The following TCP11 variants were observed in gnomAD, a reference collection of about 807,000 sequenced individuals.
TCP11 encodes t-complex 11, also known as T-complex protein 11 homolog.
In TCP11, 34 loss-of-function variants were observed where a neutral mutation model predicts 45.0. The ratio of observed to expected loss-of-function variants is 0.76; its 90% confidence interval spans 0.57 to 1.01. The LOEUF (loss-of-function observed/expected upper bound fraction) is 1.01. TCP11 is among the 50% of genes least tolerant of loss of function. The pLI, the probability that TCP11 is intolerant of heterozygous loss-of-function variation, is 0.00. For synonymous variants in TCP11, 227 were observed against 227.0 expected, an observed-to-expected ratio of 1.00 and a Z score of 0.00; for missense variants, 523 against 598.1, an observed-to-expected ratio of 0.87 and a Z score of 1.31.
intron 3 of TCP11, among the ~76,000 whole-genome samples, chr6:35,134,993 C>G (rs1413789246): frequency 6.6e-6 from 1 of 151,998 alleles, no homozygotes; most frequent in Non-Finnish European, 1.5e-5. Context: ...ACTAAAAATA[C>G]AAAATTAGCT....
At chr6:35,129,277 A>G in intron 3 of TCP11, 95 bp from the exon 4 acceptor site, 1 of 1,445,388 alleles carries the variant, frequency 6.9e-7, no homozygotes, top group East Asian at 2.4e-5. Flanking sequence ...TGATATGGTA[A>G]AAGGCCATTA....
At position 35,133,394 on chromosome 6, in the gene TCP11, GTTAGTCTTGAACTC is replaced by G. The variant is rs1780682545; in HGVS notation, c.236+2699_236+2712del. Among the ~76,000 whole-genome samples, 3 of 152,030 alleles carry G rather than the reference GTTAGTCTTGAACTC, an allele frequency of 2.0e-5. No individual in the cohort carries two copies. The South Asian group carries it at 6.2e-4, about 32-fold the overall frequency. On this transcript the variant is annotated intron_variant, in intron 3 of 9. Coordinates refer to ENST00000311875, the MANE Select transcript of TCP11 (RefSeq NM_001370687.1). Reference sequence around the variant, plus strand: ...GACGAGGTCTCACTATGTTGCCCAGGTTAGTCTTGAACTCTTGACCTCAAGCGATCCTCCCACCT... The same window carrying G: ...GACGAGGTCTCACTATGTTGCCCAGGTTGACCTCAAGCGATCCTCCCACCT...
chr6:35,136,295 C>G, intron 2 of TCP11, 77 bp from the exon 3 acceptor site: 1 of 1,081,344 alleles, frequency 9.2e-7, no homozygotes, highest in Admixed American at 2.2e-5. Context: ...CTAGTAGGCC[C>G]CAAATTTAGA....
chr6:35,129,901 A>G (rs1780212964), intron 3 of TCP11, among the ~76,000 whole-genome samples: 1 of 152,154 alleles, frequency 6.6e-6, no homozygotes, highest in African/African-American at 2.4e-5. Flanking sequence ...CTGCCTCCTG[A>G]GTAGCTGGGA....
At chr6:35,123,187 A>C (rs768551364) in intron 4 of TCP11, among the ~76,000 whole-genome samples, 19 of 152,190 alleles carry the variant, frequency 1.2e-4, no homozygotes, top group Non-Finnish European at 2.4e-4. Context: ...GCATTGTGGA[A>C]GCTTCTTTGT....
chr6:35,140,753 G>T lies in TCP11; in HGVS notation c.118C>A (p.Pro40Thr), dbSNP rs745455902. The T allele has an allele frequency of 1.9e-5, 29 of 1,527,756 alleles. No homozygotes were observed. The East Asian group carries it at 6.1e-4, about 32-fold the overall frequency. 94.6% of individuals were successfully genotyped at this position (1,527,756 alleles called of 1,614,324 possible). A position where few individuals can be genotyped will look rare whatever the true frequency, so the allele number is the denominator to read the frequency against. The stretch of plus-strand genomic sequence containing the variant: ...ACTGCCGAGCTGGACCTACAGGGAG[G>T]GGGGTCCTCGGAGCCGCTCTTGTCT... ...QEDKSGSEDP[P>T]PFLSVTGLTE... The change falls in exon 2 of 10, where the codon CCT becomes ACT. Residue 40 changes from proline to threonine, a missense_variant. By Grantham distance (38) the Pro-to-Thr change is conservative (BLOSUM62 -1). This residue lies in a region of TCP11 where 225 missense variants were observed against 210.2 expected (regional missense o/e 1.07). Transcript: ENST00000311875.
At chr6:35,121,545 G>T (rs2395608) in intron 5 of TCP11, among the ~76,000 whole-genome samples, 1 of 151,004 alleles carries the variant, frequency 6.6e-6, no homozygotes, top group Non-Finnish European at 1.5e-5. Context: ...GGGCAAGGTC[G>T]CTCATGCCTG....
chr6:35,121,066 A>G, intron 5 of TCP11, 21 bp from the exon 6 acceptor site: 1 of 1,588,648 alleles, frequency 6.3e-7, no homozygotes, highest in Middle Eastern at 1.7e-4. Flanking sequence ...GGGAAAGAGA[A>G]TATTTATACT....
rs764474389 is a variant in TCP11 at position 35,120,649 on chromosome 6, ATGACAGGTAAGGGAG to A, written c.716-18_716-4del. The stretch of plus-strand genomic sequence containing the variant: ...TTTGGTGGTGTGATTAAGGAGACCT[ATGACAGGTAAGGGAG>A]TGTGTAAGCATCTTTAGCATCTTCA... On this transcript the variant is annotated splice_polypyrimidine_tract_variant and splice_region_variant and intron_variant, in intron 6 of 9. Coordinates refer to ENST00000311875, the MANE Select transcript of TCP11 (RefSeq NM_001370687.1). This position sits in a 1 kb window ranked among gnomAD's most constrained non-coding sequence, Gnocchi z 4.9. 2 of 1,612,602 alleles carry A rather than the reference ATGACAGGTAAGGGAG, an allele frequency of 1.2e-6. No individual in the cohort carries two copies. Among genetic ancestry groups the A allele is most frequent in the African/African-American group, 2.7e-5 (2 of 75,016 alleles).
intron 2 of TCP11, 169 bp downstream of exon 2, chr6:35,140,578 G>GA (rs1372819984): frequency 4.4e-6 from 3 of 686,930 alleles, no homozygotes; most frequent in East Asian, 5.6e-5. Context: ...AAAACTCTTT[G>GA]AAGACCTCTG....
intron 8 of TCP11, among the ~76,000 whole-genome samples, chr6:35,119,600 C>G (rs1779007401): frequency 6.6e-6 from 1 of 152,210 alleles, no homozygotes; most frequent in Admixed American, 6.5e-5. Context: ...CAGCTATTCT[C>G]TATATGTGGC....
chr6:35,134,082 G>A (rs979199007), intron 3 of TCP11, among the ~76,000 whole-genome samples: 4 of 151,912 alleles, frequency 2.6e-5, no homozygotes, highest in African/African-American at 7.3e-5. Context: ...CACTTAAAAG[G>A]GTAGCTGATA....
intron 4 of TCP11, among the ~76,000 whole-genome samples, chr6:35,128,014 T>G (rs1276922392): frequency 6.6e-6 from 1 of 152,208 alleles, no homozygotes; most frequent in East Asian, 1.9e-4. Context: ...AAGTGTTATT[T>G]AGTTTTCTGT....
At position 35,123,304 on chromosome 6, in the gene TCP11, T is replaced by C. The variant is rs9469946; in HGVS notation, c.358-967A>G. Among the ~76,000 whole-genome samples the C allele has an allele frequency of 3.3e-3, 505 of 152,278 alleles. 5 individuals are homozygous for C. The highest frequency in any genetic ancestry group is 0.011 in the African/African-American group (465 of 41,546). On this transcript the variant is annotated intron_variant, in intron 4 of 9. Coordinates refer to ENST00000311875, the MANE Select transcript of TCP11 (RefSeq NM_001370687.1). ...AAGTACTTTAGATGCCTTAAACACATGCAAACTTGAGGATAGCAGATGATC... is the reference window on the plus strand; with the variant it reads ...AAGTACTTTAGATGCCTTAAACACACGCAAACTTGAGGATAGCAGATGATC...
At chr6:35,134,438 G>T (rs923398045) in intron 3 of TCP11, among the ~76,000 whole-genome samples, 2 of 151,744 alleles carry the variant, frequency 1.3e-5, no homozygotes, top group Non-Finnish European at 2.9e-5. Context: ...GCACCACCAT[G>T]CCTGGCTAAT....
At chr6:35,133,527 C>T (rs1350701089) in intron 3 of TCP11, among the ~76,000 whole-genome samples, 2 of 151,912 alleles carry the variant, frequency 1.3e-5, no homozygotes, top group Non-Finnish European at 2.9e-5. Flanking sequence ...TGTGGTGGCT[C>T]ACGCCTGTAA....
intron 3 of TCP11, among the ~76,000 whole-genome samples, chr6:35,130,632 A>T (rs544430935): frequency 1.3e-5 from 2 of 152,282 alleles, no homozygotes; most frequent in African/African-American, 4.8e-5. Flanking sequence ...TGGGAGTTGC[A>T]AATTAAAACA....
At chr6:35,125,509 C>G (rs1468975265) in intron 4 of TCP11, among the ~76,000 whole-genome samples, 1 of 152,194 alleles carries the variant, frequency 6.6e-6, no homozygotes, top group Admixed American at 6.5e-5. Context: ...AAATGGAAAA[C>G]AGCAAATGCT....
chr6:35,125,578 G>A (rs1466136353), intron 4 of TCP11, among the ~76,000 whole-genome samples: 3 of 152,174 alleles, frequency 2.0e-5, no homozygotes, highest in Non-Finnish European at 4.4e-5. Flanking sequence ...ATAAAATGGT[G>A]TGGCTACAAC....
Sources: allele counts gnomAD v4.1 joint callset (sites outside exome capture counted in the v4.1 genomes callset), GRCh38; gene constraint gnomAD v4.1.1; regional missense constraint gnomAD v4.1.1; non-coding constraint Gnocchi (gnomAD v3.1); transcripts MANE v1.5; gene names NCBI Gene and HGNC (gene_info 2026-07-23, HGNC 2026-07-21).